C10orf88: variants seen among roughly 807,000 people sequenced by gnomAD.
C10orf88 encodes ATPase PAAT.
In C10orf88, 29 loss-of-function variants were observed where a neutral mutation model predicts 34.2. The observed-to-expected ratio is 0.85, with a 90% CI of 0.63 to 1.16. The LOEUF (loss-of-function observed/expected upper bound fraction) is 1.16. Among genes scored for constraint, C10orf88 ranks in the 50% most tolerant of loss-of-function variants. C10orf88 has a pLI of 0.00. For missense variants in C10orf88, 507 were observed against 533.2 expected, an observed-to-expected ratio of 0.95 and a Z score of 0.48; for synonymous variants, 194 against 197.4, an observed-to-expected ratio of 0.98 and a Z score of 0.15.
intron 1 of C10orf88, 32 bp downstream of exon 1, chr10:122,953,983 A>G (rs2133338979): frequency 6.7e-7 from 1 of 1,488,400 alleles, no homozygotes; most frequent in Non-Finnish European, 8.9e-7. Context: ...GTTGCCGAGC[A>G]TAGCGACCCC....
chr10:122,954,136 T>C lies in C10orf88; in HGVS notation c.43A>G (p.Thr15Ala), dbSNP rs898781088. 1 of 1,586,020 alleles carries C rather than the reference T, an allele frequency of 6.3e-7. No homozygotes were observed. The change falls in exon 1 of 6, where the codon ACG becomes GCG. Residue 15 changes from threonine (T) to alanine (A), a missense_variant. Coordinates refer to ENST00000481909, the MANE Select transcript of C10orf88 (RefSeq NM_024942.4). ...TEDGGLTRRP[T>A]LASSWDVAGG... Reference sequence around the variant, plus strand: ...GCAACATCCCAAGAAGAGGCCAGCGTGGGGCGGCGGGTGAGGCCCCCGTCC... The same window carrying C: ...GCAACATCCCAAGAAGAGGCCAGCGCGGGGCGGCGGGTGAGGCCCCCGTCC...
intron 1 of C10orf88, among the ~76,000 whole-genome samples, chr10:122,953,579 C>A (rs1009718711): frequency 6.6e-6 from 1 of 152,234 alleles, no homozygotes; most frequent in African/African-American, 2.4e-5. Flanking sequence ...AATCACTGGG[C>A]ACCTACTGGG....
intron 5 of C10orf88, among the ~76,000 whole-genome samples, chr10:122,935,017 T>C (rs1848521910): frequency 6.6e-6 from 1 of 152,110 alleles, no homozygotes; most frequent in Non-Finnish European, 1.5e-5. Flanking sequence ...GTTTTATTTT[T>C]ATTTGCTTTT....
At position 122,952,945 on chromosome 10, in the gene C10orf88, A is replaced by T; in HGVS notation, c.252T>A (p.Gly84=). ...AAATGCCAATAGAAGCGATTTCTTC[A>T]CCTCCATCAGGGCCACACCTCAGGT... ...FLYLRCGPDG[G]EEIASIGILS... is the part of the protein sequence containing the mutation. Residue 84 remains glycine, a synonymous_variant, in exon 2 of 6, where the codon GGT becomes GGA. Coordinates refer to ENST00000481909, the MANE Select transcript of C10orf88 (RefSeq NM_024942.4). 1 of 1,614,056 alleles carries T rather than the reference A, an allele frequency of 6.2e-7. No homozygotes were observed.
At chr10:122,948,965 T>C in intron 3 of C10orf88, 110 bp from the exon 4 acceptor site, 1 of 978,008 alleles carries the variant, frequency 1.0e-6, no homozygotes, top group South Asian at 1.8e-5. Context: ...AATCTAAAAA[T>C]TAACTTCAAG....
At chr10:122,936,977 C>T (rs1414683250) in intron 5 of C10orf88, among the ~76,000 whole-genome samples, 3 of 151,874 alleles carry the variant, frequency 2.0e-5, no homozygotes, top group African/African-American at 7.2e-5. Context: ...CTATAAATGT[C>T]AACTCAATCC....
Position 122,931,566 on chromosome 10 carries a change from C to A in C10orf88, c.*861G>T, listed in dbSNP as rs1276370533. ...AATATATCACCCTTCAATGCATATACAATAGTTATAAGGTCTGAAAACTAA... is the reference window on the plus strand; with the variant it reads ...AATATATCACCCTTCAATGCATATAAAATAGTTATAAGGTCTGAAAACTAA... On this transcript the variant is annotated 3_prime_UTR_variant, in exon 6 of 6. Coordinates refer to ENST00000481909, the MANE Select transcript of C10orf88 (RefSeq NM_024942.4). 2.6e-5 allele frequency: 4 copies of A among 152,062 alleles called. No individual in the cohort carries two copies. The highest frequency in any genetic ancestry group is 9.7e-5 in the African/African-American group (4 of 41,394). The allele number at this position is 152,062 out of a possible 1,614,324, so 9.4% of individuals were successfully genotyped here. A position where few individuals can be genotyped will look rare whatever the true frequency, so the allele number is the denominator to read the frequency against.
chr10:122,933,208 C>T (rs571563589), intron 5 of C10orf88, among the ~76,000 whole-genome samples: 4 of 152,140 alleles, frequency 2.6e-5, no homozygotes, highest in Admixed American at 6.6e-5. Context: ...AGGGCAGGCA[C>T]GGTGGCTCAC....
In C10orf88 at chr10:122,954,216, C is replaced by T. The variant is rs752190018; in HGVS notation, c.-38G>A. The T allele has an allele frequency of 6.7e-7, 1 of 1,495,530 alleles. No homozygotes were observed. Among genetic ancestry groups the T allele is most frequent in the East Asian group, 2.8e-5 (1 of 36,340 alleles). The allele number at this position is 1,495,530 out of a possible 1,614,324, so 92.6% of individuals were successfully genotyped here. A position where few individuals can be genotyped will look rare whatever the true frequency, so the allele number is the denominator to read the frequency against. On this transcript the variant is annotated 5_prime_UTR_variant, in exon 1 of 6. Coordinates refer to ENST00000481909, the MANE Select transcript of C10orf88 (RefSeq NM_024942.4). ...AGTCAGGCCAGCCCAGCCCCGGAAC[C>T]TCTCTTCCAGTGCTTGAATTTCCGC...
chr10:122,950,463 A>C (rs1848680004), intron 3 of C10orf88, among the ~76,000 whole-genome samples: 2 of 152,254 alleles, frequency 1.3e-5, no homozygotes, highest in Non-Finnish European at 2.9e-5. Flanking sequence ...CCACATGTCA[A>C]ACAAGGACAT....
intron 5 of C10orf88, 83 bp downstream of exon 5, chr10:122,937,622 A>T: frequency 8.2e-7 from 1 of 1,221,004 alleles, no homozygotes; most frequent in Non-Finnish European, 1.1e-6. Context: ...TTTAGGCAGT[A>T]CTCATTGAGA....
chr10:122,954,019 G>A lies in C10orf88; in HGVS notation c.160C>T (p.Pro54Ser). ...GTCCCCGTCGGCCCGGCGCACCCTG[G>A]AGCAGGCGGTGCCAGCAGCTCCTCC... ...DWEELLAPPA[P>S]GQDLVILKRN... The change falls in exon 1 of 6, where the codon CCA becomes TCA. Residue 54 changes from proline to serine, a missense_variant. Pro to Ser is a moderately conservative substitution (Grantham distance 74). Transcript: ENST00000481909. 6.6e-7 allele frequency: 1 copy of A among 1,523,292 alleles called. No individual in the cohort carries two copies. The highest frequency in any genetic ancestry group is 2.6e-5 in the East Asian group (1 of 38,356). The allele number at this position is 1,523,292 out of a possible 1,614,324, so 94.4% of individuals were successfully genotyped here. A position where few individuals can be genotyped will look rare whatever the true frequency, so the allele number is the denominator to read the frequency against.
intron 4 of C10orf88, among the ~76,000 whole-genome samples, chr10:122,944,842 A>C (rs1848623222): frequency 6.6e-6 from 1 of 151,830 alleles, no homozygotes; most frequent in Non-Finnish European, 1.5e-5. Flanking sequence ...TGAAAAAAAA[A>C]AACCTGTGTG....
At position 122,931,599 on chromosome 10, in the gene C10orf88, A is replaced by C. The variant is rs1483021387; in HGVS notation, c.*828T>G. 1 of 152,210 alleles carries C rather than the reference A, an allele frequency of 6.6e-6. No homozygotes were observed. The highest frequency in any genetic ancestry group is 6.5e-5 in the Admixed American group (1 of 15,278). The allele number at this position is 152,210 out of a possible 1,614,324, so 9.4% of individuals were successfully genotyped here. A position where few individuals can be genotyped will look rare whatever the true frequency, so the allele number is the denominator to read the frequency against. The stretch of plus-strand genomic sequence containing the variant: ...ATAAGGTCTGAAAACTAAGTCTATC[A>C]GAGAGAATTGCAATCCCTTGACTCA... On this transcript the variant is annotated 3_prime_UTR_variant, in exon 6 of 6. Transcript: ENST00000481909.
chr10:122,942,693 AATGT>A (rs1848597060), intron 4 of C10orf88, among the ~76,000 whole-genome samples: 1 of 151,098 alleles, frequency 6.6e-6, no homozygotes, highest in African/African-American at 2.4e-5. Context: ...ATACAAAATC[AATGT>A]ACAAAAATCA....
intron 4 of C10orf88, among the ~76,000 whole-genome samples, chr10:122,940,567 C>T (rs888471994): frequency 1.4e-5 from 2 of 147,318 alleles, no homozygotes; most frequent in Non-Finnish European, 3.0e-5. Context: ...AGTATTCTTA[C>T]CACAATTTAA....
intron 4 of C10orf88, among the ~76,000 whole-genome samples, chr10:122,939,778 A>G (rs759963428): frequency 3.9e-5 from 6 of 151,980 alleles, no homozygotes; most frequent in Non-Finnish European, 8.8e-5. Flanking sequence ...CATTAAGAGT[A>G]ATAATATTTA....
chr10:122,953,996 C>T lies in C10orf88; in HGVS notation c.164+19G>A, dbSNP rs1218643197. On this transcript the variant is annotated intron_variant, in intron 1 of 5. Transcript: ENST00000481909. The stretch of plus-strand genomic sequence containing the variant: ...CAGTTGCCGAGCATAGCGACCCCGT[C>T]CCCGTCGGCCCGGCGCACCCTGGAG... 2 of 1,507,166 alleles carry T rather than the reference C, an allele frequency of 1.3e-6. No homozygotes were observed. Among genetic ancestry groups the T allele is most frequent in the Admixed American group, 2.2e-5 (1 of 46,220 alleles). 93.4% of individuals were successfully genotyped at this position (1,507,166 alleles called of 1,614,324 possible).
chr10:122,949,301 T>C (rs566240035), intron 3 of C10orf88, among the ~76,000 whole-genome samples: 20 of 152,160 alleles, frequency 1.3e-4, no homozygotes, highest in Non-Finnish European at 1.3e-4. Flanking sequence ...AGTTTAACAA[T>C]AGAGTAATTT....
Sources: gnomAD v4.1 joint callset for allele counts (sites outside exome capture counted in the v4.1 genomes callset) on GRCh38, gnomAD v4.1.1 for gene constraint, MANE v1.5 for transcripts, NCBI Gene and HGNC (gene_info 2026-07-23, HGNC 2026-07-21) for gene names.